Variants in EPB41L1 observed in about 807,000 individuals in gnomAD.
EPB41L1 encodes the protein erythrocyte membrane protein band 4.1 like 1, also known as band 4.1-like protein 1.
EPB41L1 carries 29 observed loss-of-function variants against 97.8 expected under a neutral mutation model. The observed-to-expected ratio is 0.30, with a 90% CI of 0.22 to 0.40. EPB41L1 has a LOEUF of 0.40. Among genes scored for constraint, EPB41L1 ranks in the 10% least tolerant of loss-of-function variants. EPB41L1 has a pLI of 1.00. For missense variants in EPB41L1, 812 were observed against 1,162.3 expected (o/e 0.70, Z 4.38); for synonymous variants, 383 against 459.2 (o/e 0.83, Z 2.12).
intron 4 of EPB41L1, among the ~76,000 whole-genome samples, 194 bp downstream of exon 4, chr20:36,178,250 G>T (rs1400932491): frequency 1.3e-5 from 2 of 152,232 alleles, no homozygotes; most frequent in Non-Finnish European, 2.9e-5. Context: ...GTCACCCCCA[G>T]ATGAGAATTT....
chr20:36,169,523 C>T (rs2060890105), intron 1 of EPB41L1, among the ~76,000 whole-genome samples: 1 of 152,138 alleles, frequency 6.6e-6, no homozygotes, highest in South Asian at 2.1e-4. Flanking sequence ...AGCTCCGTCA[C>T]TCCTCCCAAG....
chr20:36,128,483 C>T lies in EPB41L1; in HGVS notation c.-10+16003C>T, dbSNP rs531278374. Among the ~76,000 whole-genome samples, 206 of 152,280 alleles carry T rather than the reference C, an allele frequency of 1.4e-3. 1 individual carries two copies. Among genetic ancestry groups the T allele is most frequent in the African/African-American group, 4.8e-3 (199 of 41,552 alleles). ...TTTAAATAACACTTTTAAGATCCTCCAGGGACCTCAAATGAGGATTTTTCA... is the reference window on the plus strand; with the variant it reads ...TTTAAATAACACTTTTAAGATCCTCTAGGGACCTCAAATGAGGATTTTTCA... On this transcript the variant is annotated intron_variant, in intron 2 of 19. Transcript: ENST00000202028.
rs375422594 is a variant in EPB41L1 at position 36,099,906 on chromosome 20, G to C, written c.-65+8294G>C. ...TGTTCCAGAGGTGAGGATGCAACAG[G>C]AGAGTGTCCTGCTGTCAGGATTAGA... On this transcript the variant is annotated intron_variant, in intron 1 of 19. Coordinates refer to the EPB41L1 transcript ENST00000202028. Among the ~76,000 whole-genome samples the C allele has an allele frequency of 2.0e-5, 3 of 152,220 alleles. No homozygotes were observed. The East Asian group carries it at 5.8e-4, about 29-fold the overall frequency.
At chr20:36,136,248 G>T (rs903649184) in intron 2 of EPB41L1, among the ~76,000 whole-genome samples, 3 of 151,568 alleles carry the variant, frequency 2.0e-5, no homozygotes, top group African/African-American at 7.3e-5. Flanking sequence ...TTGGCTCACT[G>T]CAACCTCTGC....
At chr20:36,109,702 TGATCAGGCAAAGATAAATTCCATTTTACA>T (rs2058324257) in intron 1 of EPB41L1, 3 of 152,150 alleles carry the variant, frequency 2.0e-5, no homozygotes, top group Non-Finnish European at 4.4e-5. Flanking sequence ...TTTCTGCAAG[TGATCAGGCAAAGATAAATTCCATTTTACA>T]GATGAGGAAG....
Position 36,219,834 on chromosome 20 carries a change from A to G in EPB41L1, c.2429A>G (p.His810Arg). ...AETLSTSTTTHVTKTVKGGFS... is the reference protein window; with the variant it reads ...AETLSTSTTTRVTKTVKGGFS... ...ACCCTCTCAACCTCCACCACCACCC[A>G]TGTCACCAAAGTGAGTAGCAGCAGG... The change falls in exon 19 of 22, where the codon CAT (histidine) becomes CGT (arginine). Residue 810 changes from histidine (H) to arginine (R), a missense_variant. Around this residue, in one of 3 missense-constraint regions of EPB41L1, gnomAD observed 498 missense variants for 622.7 expected, o/e 0.80. Coordinates refer to ENST00000338074, the MANE Select transcript of EPB41L1 (RefSeq NM_012156.2). The G allele has an allele frequency of 6.2e-7, 1 of 1,614,184 alleles. No individual in the cohort carries two copies. The highest frequency in any genetic ancestry group is 8.5e-7 in the Non-Finnish European group (1 of 1,180,012).
chr20:36,216,665 A>T (rs532988000), intron 17 of EPB41L1, among the ~76,000 whole-genome samples: 2 of 152,264 alleles, frequency 1.3e-5, no homozygotes, highest in East Asian at 3.9e-4. Context: ...TGATGTGTAT[A>T]GTTCTGTACC....
chr20:36,221,652 G>A (rs748227395), intron 19 of EPB41L1, among the ~76,000 whole-genome samples: 3 of 152,218 alleles, frequency 2.0e-5, no homozygotes. Context: ...ACCTAGATGG[G>A]ATAGTTTGGT....
intron 2 of EPB41L1, among the ~76,000 whole-genome samples, chr20:36,116,597 G>T (rs899358926): frequency 6.6e-6 from 1 of 152,056 alleles, no homozygotes; most frequent in Non-Finnish European, 1.5e-5. Flanking sequence ...TCCATTCCCC[G>T]GGGATCAGCA....
At chr20:36,143,637 CAG>C (rs965983014) in intron 2 of EPB41L1, among the ~76,000 whole-genome samples, 2 of 152,068 alleles carry the variant, frequency 1.3e-5, no homozygotes, top group Admixed American at 6.5e-5. Context: ...ATCTATCACT[CAG>C]GGGGTGATCT....
intron 1 of EPB41L1, among the ~76,000 whole-genome samples, chr20:36,156,123 A>G (rs927806037): frequency 8.5e-5 from 13 of 152,148 alleles, no homozygotes; most frequent in African/African-American, 9.7e-5. Context: ...AGCCTCCCCT[A>G]TGAGCCACCG....
rs1228255387 is a variant in EPB41L1 at position 36,231,554 on chromosome 20, C to T, written c.*2214C>T. 1 of 152,340 alleles carries T rather than the reference C, an allele frequency of 6.6e-6. No individual in the cohort carries two copies. The highest frequency in any genetic ancestry group is 1.5e-5 in the Non-Finnish European group (1 of 68,098). The allele number at this position is 152,340 out of a possible 1,614,324, so 9.4% of individuals were successfully genotyped here. On this transcript the variant is annotated 3_prime_UTR_variant, in exon 22 of 22. Transcript: ENST00000338074. The stretch of plus-strand genomic sequence containing the variant: ...ATCGGGGCATAGCCCAGGGATGCCC[C>T]CAGGCGGCCCAGGTTAGATGCGTCC...
rs765813122 is a variant in EPB41L1 at position 36,207,022 on chromosome 20, G to C, written c.1669-2466G>C. 5.3e-5 allele frequency: 68 copies of C among 1,289,794 alleles called. No individual in the cohort carries two copies. In the East Asian group the frequency reaches 6.1e-4, roughly 12 times the overall value. The allele number at this position is 1,289,794 out of a possible 1,614,324, so 79.9% of individuals were successfully genotyped here. On this transcript the variant is annotated intron_variant, in intron 14 of 21. Transcript: ENST00000338074. This position sits in a 1 kb window ranked among gnomAD's most constrained non-coding sequence, Gnocchi z 4.9. ...GAGGGGAGTGGTTCCCACCCAGAAA[G>C]GAGGGGCTGAGCTGAAGGACCGCGA...
At position 36,192,531 on chromosome 20, in the gene EPB41L1, CAAAAAAAAAAA is replaced by C. The variant is rs57675036; in HGVS notation, c.1301-1668_1301-1658del. Among the ~76,000 whole-genome samples the C allele has an allele frequency of 3.2e-4, 15 of 46,434 alleles. No individual in the cohort carries two copies. In the South Asian group the frequency reaches 0.011, roughly 35 times the overall value. The allele number at this position is 46,434 out of a possible 152,430, so 30.5% of individuals were successfully genotyped here. ...CTGGTGACAGAGCAAGACTCCGTCT[CAAAAAAAAAAA>C]AAAAAAAAAAAAGGTGGAAAGTGGG... On this transcript the variant is annotated intron_variant, in intron 11 of 21. Coordinates refer to ENST00000338074, the MANE Select transcript of EPB41L1 (RefSeq NM_012156.2).
rs2145485698 is a variant in EPB41L1, at chr20:36,154,836, A to C, written c.-75A>C. Reference sequence around the variant, plus strand: ...CGCCCCGCCCCGCGGCCTGCCTGCCAGAGGAGCCGAGGGGGCCGCCCCTCG... The same window carrying C: ...CGCCCCGCCCCGCGGCCTGCCTGCCCGAGGAGCCGAGGGGGCCGCCCCTCG... On this transcript the variant is annotated 5_prime_UTR_variant, in exon 1 of 22. Coordinates refer to ENST00000338074, the MANE Select transcript of EPB41L1 (RefSeq NM_012156.2). The surrounding 1 kb of genome is among the most constrained non-coding windows in gnomAD (Gnocchi z 5.5). The C allele has an allele frequency of 1.0e-6, 1 of 997,302 alleles. No homozygotes were observed. The highest frequency in any genetic ancestry group is 1.2e-6 in the Non-Finnish European group (1 of 837,392). The allele number at this position is 997,302 out of a possible 1,614,324, so 61.8% of individuals were successfully genotyped here.
rs1235658807 is a variant in EPB41L1 at position 36,092,219 on chromosome 20, C to T, written c.-65+607C>T. Among the ~76,000 whole-genome samples the T allele has an allele frequency of 1.3e-5, 2 of 152,110 alleles. No homozygotes were observed. Among genetic ancestry groups the T allele is most frequent in the Non-Finnish European group, 2.9e-5 (2 of 68,004 alleles). On this transcript the variant is annotated intron_variant, in intron 1 of 19. Coordinates refer to the EPB41L1 transcript ENST00000202028. This position sits in a 1 kb window ranked among gnomAD's most constrained non-coding sequence, Gnocchi z 7.0. ...GGTCGGCGAGCTGGGCGCGGGGCCG[C>T]GGGGTTACCCCGGGGCACCGGGCAC... is the stretch of plus-strand genomic sequence containing the variant.
intron 1 of EPB41L1, among the ~76,000 whole-genome samples, chr20:36,156,682 GCCTCCCAGC>G (rs1315026726): frequency 1.3e-5 from 2 of 152,148 alleles, no homozygotes; most frequent in Non-Finnish European, 2.9e-5. Flanking sequence ...TGTTATGTTG[GCCTCCCAGC>G]CCTTGCCCTC....
chr20:36,106,290 T>G (rs181410705), intron 1 of EPB41L1, among the ~76,000 whole-genome samples: 57 of 152,288 alleles, frequency 3.7e-4, no homozygotes, highest in African/African-American at 1.3e-3. Flanking sequence ...TTCTGGGCCA[T>G]TCTCTGCCAA....
upstream of EPB41L1, chr20:36,153,067 G>A: frequency 2.2e-6 from 1 of 456,724 alleles, no homozygotes; most frequent in South Asian, 1.5e-5. Flanking sequence ...GAAGGCACCG[G>A]AAGCTTTGTC....
Sources: allele counts gnomAD v4.1 joint callset (sites outside exome capture counted in the v4.1 genomes callset), GRCh38; gene constraint gnomAD v4.1.1; regional missense constraint gnomAD v4.1.1; non-coding constraint Gnocchi (gnomAD v3.1); transcripts MANE v1.5; gene names NCBI Gene and HGNC (gene_info 2026-07-23, HGNC 2026-07-21).